Variants in ZNF385D observed in about 807,000 individuals in gnomAD.
ZNF385D encodes zinc finger protein 385D.
Under a neutral mutation model 35.8 loss-of-function variants are expected in ZNF385D, and 15 were observed. The observed-to-expected ratio is 0.42, with a 90% CI of 0.28 to 0.64. The LOEUF (loss-of-function observed/expected upper bound fraction) is 0.64, where lower values mean the gene tolerates loss of function less well. Among genes scored for constraint, ZNF385D ranks in the 30% least tolerant of loss-of-function variants. The pLI, the probability that ZNF385D is intolerant of heterozygous loss-of-function variation, is 0.23. For synonymous variants in ZNF385D, 212 were observed against 186.8 expected (o/e 1.13, Z -1.10); for missense variants, 474 against 494.6 (o/e 0.96, Z 0.39).
chr3:22,060,773 A>G (rs1002694968), intron 3 of ZNF385D, among the ~76,000 whole-genome samples: 2 of 152,080 alleles, frequency 1.3e-5, no homozygotes, highest in African/African-American at 4.8e-5. Context: ...AAAGTCTAAT[A>G]AGAGAAGCCA....
Position 21,727,703 on chromosome 3 carries a change from T to C in ZNF385D, c.22+23192A>G, listed in dbSNP as rs376495501. The stretch of plus-strand genomic sequence containing the variant: ...GAGGATGTGGAGAAATAGGAACACT[T>C]ACACTGTTGGTGGGAGTATAAATTA... On this transcript the variant is annotated intron_variant, in intron 1 of 7. Coordinates refer to ENST00000281523, the MANE Select transcript of ZNF385D (RefSeq NM_024697.3). 3.3e-5 allele frequency among the ~76,000 whole-genome samples: 5 copies of C among 152,206 alleles called. No homozygotes were observed. The East Asian group carries it at 9.6e-4, about 29-fold the overall frequency.
intron 3 of ZNF385D, among the ~76,000 whole-genome samples, chr3:21,956,322 G>A (rs372490718): frequency 1.2e-3 from 180 of 151,912 alleles, no homozygotes; most frequent in African/African-American, 4.1e-3. Flanking sequence ...GCTGTATAGG[G>A]GCTTCCTTTA....
rs939312360 is a variant in ZNF385D at position 21,420,604 on chromosome 3, T to A, written c.*610A>T. 1.3e-5 allele frequency: 2 copies of A among 152,318 alleles called. No homozygotes were observed. The highest frequency in any genetic ancestry group is 4.8e-5 in the African/African-American group (2 of 41,456). 9.4% of individuals were successfully genotyped at this position (152,318 alleles called of 1,614,324 possible). A position where few individuals can be genotyped will look rare whatever the true frequency, so the allele number is the denominator to read the frequency against. On this transcript the variant is annotated 3_prime_UTR_variant, in exon 8 of 8. Transcript: ENST00000281523. ...TGACTGCTTATTGGTATGAAATAGT[T>A]GTTCATTCTACCTTTGCAATTCTTT...
chr3:22,161,673 A>G (rs1014015458), intron 3 of ZNF385D, among the ~76,000 whole-genome samples: 1 of 152,178 alleles, frequency 6.6e-6, no homozygotes, highest in Admixed American at 6.6e-5. Flanking sequence ...GATAGAGAAT[A>G]TATAGTGATA....
At chr3:21,827,590 G>C (rs1234957021) in intron 3 of ZNF385D, among the ~76,000 whole-genome samples, 5 of 152,118 alleles carry the variant, frequency 3.3e-5, no homozygotes, top group Non-Finnish European at 4.4e-5. Context: ...ATACCAGCTA[G>C]TTCATGTTTC....
At chr3:21,923,386 G>C (rs1037402141) in intron 3 of ZNF385D, among the ~76,000 whole-genome samples, 3 of 152,168 alleles carry the variant, frequency 2.0e-5, no homozygotes, top group Non-Finnish European at 2.9e-5. Context: ...GGAAAGAAAA[G>C]TGAATGTTTA....
At chr3:22,184,722 G>A (rs967531376) in intron 2 of ZNF385D, among the ~76,000 whole-genome samples, 1 of 152,140 alleles carries the variant, frequency 6.6e-6, no homozygotes, top group East Asian at 1.9e-4. Flanking sequence ...AGCTACTCAG[G>A]AGGCTGAGGT....
Position 21,975,754 on chromosome 3 carries a change from T to TAC in ZNF385D, c.325+193061_325+193062dup, listed in dbSNP as rs367855314. 5.2e-4 allele frequency among the ~76,000 whole-genome samples: 60 copies of TAC among 115,462 alleles called. No homozygotes were observed. The South Asian group carries it at 7.2e-3, about 14-fold the overall frequency. 75.7% of individuals were successfully genotyped at this position (115,462 alleles called of 152,430 possible). A position where few individuals can be genotyped will look rare whatever the true frequency, so the allele number is the denominator to read the frequency against. ...ATATATATATATATATATATATATA[T>TAC]ACACACACTATGGTATCCACAAAAA... On this transcript the variant is annotated intron_variant, in intron 3 of 5. Coordinates refer to the ZNF385D transcript ENST00000494108.
At chr3:22,191,914 A>AG in intron 2 of ZNF385D, among the ~76,000 whole-genome samples, 1 of 88,078 alleles carries the variant, frequency 1.1e-5, no homozygotes, top group Non-Finnish European at 2.1e-5. Flanking sequence ...CAATCTATAA[A>AG]AAAACAATGG....
At chr3:21,980,144 C>A (rs1023990724) in intron 3 of ZNF385D, among the ~76,000 whole-genome samples, 1 of 152,228 alleles carries the variant, frequency 6.6e-6, no homozygotes, top group African/African-American at 2.4e-5. Flanking sequence ...GCTCTTGGGG[C>A]AAGGAACTAC....
rs532006155 is a variant in ZNF385D at position 22,251,130 on chromosome 3, A to C, written c.107-82095T>G. Reference sequence around the variant, plus strand: ...TCAGGTTAGGAAAAAATTTTCCACCAAATTTAAAAGACTTAGCTGACATAC... The same window carrying C: ...TCAGGTTAGGAAAAAATTTTCCACCCAATTTAAAAGACTTAGCTGACATAC... On this transcript the variant is annotated intron_variant, in intron 2 of 5. Coordinates refer to the ZNF385D transcript ENST00000494108. Among the ~76,000 whole-genome samples the C allele has an allele frequency of 5.3e-5, 8 of 152,298 alleles. No individual in the cohort carries two copies. The South Asian group carries it at 1.0e-3, about 20-fold the overall frequency.
intron 2 of ZNF385D, among the ~76,000 whole-genome samples, chr3:21,624,468 T>C (rs1036050404): frequency 6.6e-6 from 1 of 152,056 alleles, no homozygotes; most frequent in African/African-American, 2.4e-5. Flanking sequence ...GAAAAAGATA[T>C]GTTACCTGCA....
At chr3:21,880,592 A>T (rs944070292) in intron 3 of ZNF385D, among the ~76,000 whole-genome samples, 1 of 151,984 alleles carries the variant, frequency 6.6e-6, no homozygotes, top group African/African-American at 2.4e-5. Flanking sequence ...CTGAGACAAA[A>T]TAATGTTGAA....
chr3:22,352,584 C>T (rs1305794411), intron 2 of ZNF385D, among the ~76,000 whole-genome samples: 1 of 152,140 alleles, frequency 6.6e-6, no homozygotes, highest in African/African-American at 2.4e-5. Context: ...TAGTGAGTGG[C>T]TTTATCTTGA....
chr3:21,716,032 C>T (rs115647637), intron 1 of ZNF385D, among the ~76,000 whole-genome samples: 6,572 of 152,102 alleles, frequency 0.043, 444 homozygotes, highest in African/African-American at 0.15. Context: ...CTTTGAATAA[C>T]CCTGAATAAC....
chr3:22,101,892 G>C (rs914466889), intron 3 of ZNF385D, among the ~76,000 whole-genome samples: 1 of 151,572 alleles, frequency 6.6e-6, no homozygotes, highest in African/African-American at 2.4e-5. Flanking sequence ...ACAGCCCAGG[G>C]AGGCAAAGTG....
chr3:21,484,682 CTT>C (rs1179987912), intron 4 of ZNF385D, among the ~76,000 whole-genome samples: 2 of 152,184 alleles, frequency 1.3e-5, no homozygotes, highest in African/African-American at 4.8e-5. Context: ...TAGCAGGACT[CTT>C]TGATCCAGAT....
At chr3:21,450,740 T>C (rs1246597547) in intron 4 of ZNF385D, among the ~76,000 whole-genome samples, 7 of 152,180 alleles carry the variant, frequency 4.6e-5, no homozygotes, top group Non-Finnish European at 8.8e-5. Flanking sequence ...TTGAAAAAAA[T>C]GTATTTTGTC....
intron 2 of ZNF385D, among the ~76,000 whole-genome samples, chr3:22,300,788 A>C (rs970379132): frequency 3.9e-5 from 6 of 152,154 alleles, no homozygotes; most frequent in African/African-American, 1.4e-4. Flanking sequence ...ACAAAAGATA[A>C]AAGTTGGTAA....
Sources: allele counts gnomAD v4.1 joint callset (sites outside exome capture counted in the v4.1 genomes callset), GRCh38; gene constraint gnomAD v4.1.1; transcripts MANE v1.5; gene names NCBI Gene and HGNC (gene_info 2026-07-23, HGNC 2026-07-21).